The following CSMD1 variants were observed in gnomAD, a reference collection of about 807,000 sequenced individuals.
CSMD1 encodes the protein CUB and Sushi multiple domains 1.
Under a neutral mutation model 417.5 loss-of-function variants are expected in CSMD1, and 213 were observed. The ratio of observed to expected loss-of-function variants is 0.51; its 90% CI spans 0.46 to 0.57. The LOEUF is 0.57. CSMD1 is among the 20% of genes least tolerant of loss of function. The probability of loss-of-function intolerance (pLI) is 0.00; values close to 1 mark genes in which losing one functional copy is unlikely to be tolerated. For synonymous variants in CSMD1, 2,862 were observed against 1,736.8 expected (o/e 1.65, Z -16.11); for missense variants, 6,923 against 4,529.7 (o/e 1.53, Z -15.17).
At chr8:3,629,991 T>C (rs1327615722) in intron 7 of CSMD1, among the ~76,000 whole-genome samples, 3 of 152,250 alleles carry the variant, frequency 2.0e-5, no homozygotes. Flanking sequence ...TGTTGACGTA[T>C]ATTTGAACAG....
intron 5 of CSMD1, among the ~76,000 whole-genome samples, chr8:3,988,581 G>C (rs12680984): frequency 0.2 from 30,809 of 151,978 alleles, 3,295 homozygotes; most frequent in East Asian, 0.39. Flanking sequence ...ATTTTGAAAA[G>C]ATCTCCAGTG....
At chr8:3,652,245 C>G (rs371127405) in intron 7 of CSMD1, among the ~76,000 whole-genome samples, 1 of 152,008 alleles carries the variant, frequency 6.6e-6, no homozygotes, top group Admixed American at 6.6e-5. Flanking sequence ...CGCCTACCAA[C>G]GTCATTGCAC....
chr8:2,941,184 T>C (rs1424268405), intron 69 of CSMD1, among the ~76,000 whole-genome samples: 1 of 152,186 alleles, frequency 6.6e-6, no homozygotes, highest in Non-Finnish European at 1.5e-5. Flanking sequence ...TGAGTCATAT[T>C]CTTAAAGAAA....
intron 10 of CSMD1, among the ~76,000 whole-genome samples, chr8:3,509,743 T>C (rs888109687): frequency 6.6e-6 from 1 of 152,170 alleles, no homozygotes; most frequent in African/African-American, 2.4e-5. Flanking sequence ...ATCAGAGTGA[T>C]ATTTTGTTCT....
chr8:4,522,729 T>C (rs1027795512), intron 2 of CSMD1, among the ~76,000 whole-genome samples: 1 of 152,026 alleles, frequency 6.6e-6, no homozygotes, highest in Non-Finnish European at 1.5e-5. Flanking sequence ...CCCTACCCTA[T>C]CCACACGTGC....
intron 1 of CSMD1, among the ~76,000 whole-genome samples, chr8:4,743,200 C>G (rs943692113): frequency 6.6e-6 from 1 of 152,086 alleles, no homozygotes; most frequent in South Asian, 2.1e-4. Flanking sequence ...AATAGCCAAA[C>G]TTTTGATAGA....
chr8:4,947,318 G>A (rs1808434406), intron 1 of CSMD1, among the ~76,000 whole-genome samples: 1 of 152,084 alleles, frequency 6.6e-6, no homozygotes, highest in South Asian at 2.1e-4. Flanking sequence ...TTGGAAAAAG[G>A]TCAGTTCTTC....
chr8:3,174,933 T>A (rs1006359068), intron 37 of CSMD1, among the ~76,000 whole-genome samples: 3 of 152,196 alleles, frequency 2.0e-5, no homozygotes, highest in African/African-American at 7.2e-5. Flanking sequence ...TTGAGTGAGA[T>A]CTTATTTGTT....
chr8:3,119,757 G>A (rs1235287276), intron 41 of CSMD1, among the ~76,000 whole-genome samples: 1 of 152,156 alleles, frequency 6.6e-6, no homozygotes, highest in Non-Finnish European at 1.5e-5. Context: ...ATGAGACTGG[G>A]AACCTGCTCC....
At chr8:3,978,213 G>A (rs376666863) in intron 5 of CSMD1, among the ~76,000 whole-genome samples, 3 of 152,182 alleles carry the variant, frequency 2.0e-5, no homozygotes, top group East Asian at 1.9e-4. Flanking sequence ...GGTCACTGCT[G>A]TGTGCTAGGA....
At chr8:4,706,055 T>C (rs1457592280) in intron 1 of CSMD1, among the ~76,000 whole-genome samples, 2 of 150,886 alleles carry the variant, frequency 1.3e-5, no homozygotes, top group African/African-American at 4.8e-5. Context: ...ATTTTTTATA[T>C]ATACACAATA....
In CSMD1 at chr8:3,201,606, A is replaced by T; in HGVS notation, c.5098+6T>A. The stretch of plus-strand genomic sequence containing the variant: ...TAAATTAAGGGCAAAATTCTTTAAG[A>T]CTTACCTGAGTGAGACCCCGAGAGT... On this transcript the variant is annotated splice_donor_region_variant and intron_variant, in intron 32 of 69. Transcript: ENST00000635120. 6.4e-7 allele frequency: 1 copy of T among 1,567,134 alleles called. No individual in the cohort carries two copies. The highest frequency in any genetic ancestry group is 8.7e-7 in the Non-Finnish European group (1 of 1,147,998).
At chr8:4,682,045 G>A (rs1352976971) in intron 1 of CSMD1, among the ~76,000 whole-genome samples, 2 of 152,088 alleles carry the variant, frequency 1.3e-5, no homozygotes, top group East Asian at 1.9e-4. Flanking sequence ...TTGAGACAGG[G>A]TCTCACTCTG....
intron 5 of CSMD1, among the ~76,000 whole-genome samples, chr8:3,818,076 C>T (rs1015105327): frequency 2.6e-5 from 4 of 152,104 alleles, no homozygotes; most frequent in South Asian, 2.1e-4. Context: ...CATGGAGGTC[C>T]GGGCTCAGCC....
intron 3 of CSMD1, among the ~76,000 whole-genome samples, chr8:4,050,576 C>T (rs775489099): frequency 6.6e-6 from 1 of 151,988 alleles, no homozygotes; most frequent in African/African-American, 2.4e-5. Context: ...AATCATACTA[C>T]TTTATTTCAA....
chr8:4,502,573 C>G (rs140825438), intron 2 of CSMD1, among the ~76,000 whole-genome samples: 1 of 152,272 alleles, frequency 6.6e-6, no homozygotes, highest in East Asian at 1.9e-4. Flanking sequence ...AGACAAAAAA[C>G]TTGTTTAACC....
At chr8:4,816,730 T>A (rs1369507108) in intron 1 of CSMD1, among the ~76,000 whole-genome samples, 2 of 151,994 alleles carry the variant, frequency 1.3e-5, no homozygotes, top group East Asian at 1.9e-4. Flanking sequence ...CAAAAATCAA[T>A]CAACTAGGAG....
Position 4,881,753 on chromosome 8 carries a change from C to G in CSMD1, c.85+112579G>C, listed in dbSNP as rs532983548. Among the ~76,000 whole-genome samples, 123 of 151,750 alleles carry G rather than the reference C, an allele frequency of 8.1e-4. 3 individuals carry two copies. In the South Asian group the frequency reaches 0.024, roughly 30 times the overall value. On this transcript the variant is annotated intron_variant, in intron 1 of 69. Transcript: ENST00000635120. ...AGCAGTGGTCTTTTTCTTTAGAGAC[C>G]ACACTGTTGACATTGTACAGCATTT...
chr8:4,967,126 G>A (rs963954206), intron 1 of CSMD1, among the ~76,000 whole-genome samples: 2 of 152,014 alleles, frequency 1.3e-5, no homozygotes, highest in Non-Finnish European at 1.5e-5. Flanking sequence ...AAAAATCAGG[G>A]TTCATTCAAA....
Sources: gnomAD v4.1 joint callset for allele counts (sites outside exome capture counted in the v4.1 genomes callset) on GRCh38, gnomAD v4.1.1 for gene constraint, MANE v1.5 for transcripts, NCBI Gene and HGNC (gene_info 2026-07-23, HGNC 2026-07-21) for gene names.